The following HMGCL variants were observed in gnomAD, a reference collection of about 807,000 sequenced individuals.
HMGCL encodes the protein hydroxymethylglutaryl-CoA lyase, mitochondrial.
A neutral mutation model predicts 37.3 loss-of-function variants in HMGCL; 26 were observed. The observed-to-expected ratio is 0.70, with a 90% CI of 0.51 to 0.97. The LOEUF (loss-of-function observed/expected upper bound fraction) is 0.97. Ranked by LOEUF, HMGCL falls within the 50% of genes least tolerant of loss-of-function variation. HMGCL has a pLI of 0.00. For synonymous variants in HMGCL, 151 were observed against 148.0 expected, an observed-to-expected ratio of 1.02 and a Z score of -0.15; for missense variants, 379 against 398.1, an observed-to-expected ratio of 0.95 and a Z score of 0.41.
chr1:23,805,156 C>T (rs971392550), intron 7 of HMGCL, among the ~76,000 whole-genome samples: 1 of 152,120 alleles, frequency 6.6e-6, no homozygotes, highest in African/African-American at 2.4e-5. Context: ...ACCCACTGTC[C>T]CTCATGCTGC....
At chr1:23,822,697 C>G (rs1272859923) in intron 1 of HMGCL, among the ~76,000 whole-genome samples, 1 of 152,180 alleles carries the variant, frequency 6.6e-6, no homozygotes, top group Non-Finnish European at 1.5e-5. Context: ...TGGAAGGTCC[C>G]TGCAACTTGA....
rs1182379818 is a variant in HMGCL, at chr1:23,823,178, T to A, written c.60+2178A>T. Among the ~76,000 whole-genome samples the A allele has an allele frequency of 1.4e-3, 82 of 56,662 alleles. 1 individual carries two copies. The highest frequency in any genetic ancestry group is 4.9e-3 in the African/African-American group (52 of 10,536). 37.2% of individuals were successfully genotyped at this position (56,662 alleles called of 152,430 possible). On this transcript the variant is annotated intron_variant, in intron 1 of 8. Transcript: ENST00000374490. Reference sequence around the variant, plus strand: ...GGTACAAGAGCGAGACTTCTTCATCTCAAAAAAAAAAAAAAAAAAAAAAGC... The same window carrying A: ...GGTACAAGAGCGAGACTTCTTCATCACAAAAAAAAAAAAAAAAAAAAAAGC...
intron 4 of HMGCL, chr1:23,816,234 T>G: frequency 3.8e-6 from 1 of 263,430 alleles, no homozygotes; most frequent in Non-Finnish European, 7.5e-6. Context: ...CAAAAAAAGG[T>G]TTTTGCCTAA....
intron 4 of HMGCL, chr1:23,816,346 A>C (rs1478031717): frequency 1.1e-5 from 4 of 370,004 alleles, no homozygotes; most frequent in Non-Finnish European, 2.1e-5. Context: ...GTTTGGTTAC[A>C]TTTCTCTAAA....
Position 23,814,556 on chromosome 1 carries a change from A to G in HMGCL, c.349-218T>C, listed in dbSNP as rs375657826. ...CGGCTAATTTTTGTATTTTTAGTAG[A>G]GACAGCGTTTCACCATGTTGGTCAG... On this transcript the variant is annotated intron_variant, in intron 4 of 8. Transcript: ENST00000374490. 2.0e-5 allele frequency among the ~76,000 whole-genome samples: 3 copies of G among 152,140 alleles called. No individual in the cohort carries two copies. In the East Asian group the frequency reaches 5.8e-4, roughly 29 times the overall value.
Position 23,812,094 on chromosome 1 carries a change from A to T in HMGCL, c.498-1295T>A, listed in dbSNP as rs141898909. Among the ~76,000 whole-genome samples, 1,376 of 152,284 alleles carry T rather than the reference A, an allele frequency of 9.0e-3. 22 individuals are homozygous for T. The highest frequency in any genetic ancestry group is 0.059 in the East Asian group (304 of 5,182). ...GAGTGCCCACTGTGGCTAGGCCCCA[A>T]GCTGGGAGAGTGGAGCACCCCAGGG... is the stretch of plus-strand genomic sequence containing the variant. On this transcript the variant is annotated intron_variant, in intron 5 of 8. Coordinates refer to ENST00000374490, the MANE Select transcript of HMGCL (RefSeq NM_000191.3).
intron 4 of HMGCL, among the ~76,000 whole-genome samples, chr1:23,815,997 C>G (rs1638606468): frequency 6.6e-6 from 1 of 151,774 alleles, no homozygotes; most frequent in Admixed American, 6.6e-5. Context: ...TGGCTCACTG[C>G]AGCCTCGAAC....
intron 8 of HMGCL, 68 bp downstream of exon 8, chr1:23,804,331 CT>C (rs754112760): frequency 6.2e-7 from 1 of 1,602,248 alleles, no homozygotes; most frequent in Non-Finnish European, 8.5e-7. Context: ...CCCCCATCCA[CT>C]TTTGTTCTCA....
intron 2 of HMGCL, among the ~76,000 whole-genome samples, chr1:23,820,291 G>T (rs1221298899): frequency 6.6e-6 from 1 of 152,064 alleles, no homozygotes; most frequent in Non-Finnish European, 1.5e-5. Context: ...AAGTAATTAG[G>T]GATGACAGGC....
At position 23,810,558 on chromosome 1, in the gene HMGCL, GGGGGCCTCT is replaced by G. The variant is rs567526925; in HGVS notation, c.561+169_561+177del. On this transcript the variant is annotated intron_variant, in intron 6 of 8. Transcript: ENST00000374490. Reference sequence around the variant, plus strand: ...CAAGGACTACATGTTCGGCTAGGAGGGGGGCCTCTAGGGAGCAAGTGCAGGGCTGTGCTC... The same window carrying G: ...CAAGGACTACATGTTCGGCTAGGAGGAGGGAGCAAGTGCAGGGCTGTGCTC... The G allele has an allele frequency of 2.3e-3, 1,488 of 644,022 alleles. 20 individuals carry two copies. In the African/African-American group the frequency reaches 0.023, roughly 10 times the overall value. The allele number at this position is 644,022 out of a possible 1,614,324, so 39.9% of individuals were successfully genotyped here.
intron 1 of HMGCL, 59 bp from the exon 2 acceptor site, chr1:23,820,652 A>G: frequency 9.1e-7 from 1 of 1,102,692 alleles, no homozygotes; most frequent in Non-Finnish European, 1.4e-6. Flanking sequence ...ATTCCCAGGG[A>G]GACCAATATG....
chr1:23,808,748 T>C lies in HMGCL; in HGVS notation c.562-425A>G, dbSNP rs866544576. 8.6e-3 allele frequency among the ~76,000 whole-genome samples: 1,275 copies of C among 147,622 alleles called. 14 individuals carry two copies. The highest frequency in any genetic ancestry group is 0.027 in the Middle Eastern group (8 of 292). ...TGCTAGTTATATTTTTTTTCTTTTT[T>C]TTTTTTTTTTTTTGAGACCGGGTCT... On this transcript the variant is annotated intron_variant, in intron 6 of 8. Coordinates refer to ENST00000374490, the MANE Select transcript of HMGCL (RefSeq NM_000191.3).
chr1:23,810,600 G>A (rs1251021000), intron 6 of HMGCL, 136 bp downstream of exon 6: 24 of 747,146 alleles, frequency 3.2e-5, no homozygotes, highest in Admixed American at 6.1e-5. Context: ...CTCACAGCAG[G>A]AGCTTAATGA....
intron 1 of HMGCL, among the ~76,000 whole-genome samples, chr1:23,824,073 G>A (rs771302529): frequency 6.6e-6 from 1 of 152,076 alleles, no homozygotes; most frequent in East Asian, 1.9e-4. Flanking sequence ...TAAACATCCC[G>A]TTCCTCCTCT....
chr1:23,802,686 C>A, intron 8 of HMGCL, 122 bp from the exon 9 acceptor site: 1 of 739,514 alleles, frequency 1.4e-6, no homozygotes, highest in Admixed American at 2.0e-5. Flanking sequence ...CAGGCTTTTT[C>A]CTTGACAGCG....
At chr1:23,809,234 A>ATT (rs1376241267) in intron 6 of HMGCL, 7 of 72,768 alleles carry the variant, frequency 9.6e-5, no homozygotes, top group African/African-American at 3.4e-4. Context: ...ATATATATAT[A>ATT]TATATTTTTT....
At chr1:23,802,646 G>A in intron 8 of HMGCL, 82 bp from the exon 9 acceptor site, 2 of 903,094 alleles carry the variant, frequency 2.2e-6, no homozygotes. Context: ...ACAGACAACT[G>A]TGATACTGAA....
intron 6 of HMGCL, among the ~76,000 whole-genome samples, chr1:23,808,733 ATT>A (rs1323121168): frequency 3.1e-5 from 4 of 128,992 alleles, no homozygotes; most frequent in Non-Finnish European, 6.3e-5. Context: ...TGCTAGTTAT[ATT>A]TTTTTTCTTT....
chr1:23,813,227 GTTTTTTTTTTT>G (rs58260499), intron 5 of HMGCL, among the ~76,000 whole-genome samples: 5 of 70,800 alleles, frequency 7.1e-5, no homozygotes, highest in East Asian at 3.8e-4. Context: ...TGGCTGCAAT[GTTTTTTTTTTT>G]TTTTTTTTTT....
Sources: gnomAD v4.1 joint callset for allele counts (sites outside exome capture counted in the v4.1 genomes callset) on GRCh38, gnomAD v4.1.1 for gene constraint, MANE v1.5 for transcripts, NCBI Gene and HGNC (gene_info 2026-07-23, HGNC 2026-07-21) for gene names.